SYT1: variants seen among roughly 807,000 people sequenced by gnomAD.
SYT1 encodes the protein synaptotagmin-1.
A neutral mutation model predicts 44.8 loss-of-function variants in SYT1; 8 were observed. The ratio of observed to expected loss-of-function variants is 0.18; its 90% CI spans 0.10 to 0.32. The LOEUF (loss-of-function observed/expected upper bound fraction) is 0.32. Ranked by LOEUF, SYT1 falls within the 10% of genes least tolerant of loss-of-function variation. SYT1 has a pLI of 1.00. For missense variants in SYT1, 286 were observed against 509.3 expected (o/e 0.56, Z 4.22); for synonymous variants, 154 against 188.8 (o/e 0.82, Z 1.51).
Position 79,339,765 on chromosome 12 carries a change from A to G in SYT1, c.811-13737A>G, listed in dbSNP as rs369383133. 4.6e-5 allele frequency among the ~76,000 whole-genome samples: 7 copies of G among 152,244 alleles called. 1 individual carries two copies. The highest frequency in any genetic ancestry group is 3.3e-4 in the Admixed American group (5 of 15,282). On this transcript the variant is annotated intron_variant, in intron 8 of 10. Transcript: ENST00000261205. Reference sequence around the variant, plus strand: ...TGCCCATGCCTACGTCCTGAATGGTATTGCCTAGGTTTTCTTCTAGGGATT... The same window carrying G: ...TGCCCATGCCTACGTCCTGAATGGTGTTGCCTAGGTTTTCTTCTAGGGATT...
rs1874146966 is a variant in SYT1, at chr12:78,876,841, A to AC, written c.-217+11732_-217+11733insC. On this transcript the variant is annotated intron_variant, in intron 1 of 10. Coordinates refer to ENST00000261205, the MANE Select transcript of SYT1 (RefSeq NM_005639.3). The stretch of plus-strand genomic sequence containing the variant: ...ATCATATATTATATGTATTATATAT[A>AC]ATATATATTATATATAATATATATA... Among the ~76,000 whole-genome samples, 2 of 27,442 alleles carry AC rather than the reference A, an allele frequency of 7.3e-5. 1 individual carries two copies. Among genetic ancestry groups the AC allele is most frequent in the African/African-American group, 5.4e-4 (2 of 3,686 alleles). The allele number at this position is 27,442 out of a possible 152,430, so 18.0% of individuals were successfully genotyped here.
intron 2 of SYT1, among the ~76,000 whole-genome samples, chr12:78,988,583 T>C (rs1050984990): frequency 2.6e-5 from 4 of 151,894 alleles, no homozygotes; most frequent in Admixed American, 6.6e-5. Flanking sequence ...GAAAAGCATC[T>C]TGATAATGTT....
intron 3 of SYT1, among the ~76,000 whole-genome samples, chr12:79,184,252 C>T (rs1872690514): frequency 6.6e-6 from 1 of 151,618 alleles, no homozygotes; most frequent in Admixed American, 6.6e-5. Context: ...ATTTTAAATG[C>T]TGAAAAAAAC....
intron 1 of SYT1, among the ~76,000 whole-genome samples, chr12:78,907,933 G>T (rs1460524225): frequency 1.3e-5 from 2 of 151,936 alleles, no homozygotes; most frequent in Admixed American, 6.6e-5. Context: ...TACCTCTCAG[G>T]TATATAGAGA....
intron 8 of SYT1, among the ~76,000 whole-genome samples, chr12:79,313,834 A>G (rs1880933577): frequency 6.6e-6 from 1 of 152,054 alleles, no homozygotes; most frequent in Admixed American, 6.6e-5. Flanking sequence ...AATTAATGTA[A>G]AGCACTTAGA....
intron 3 of SYT1, among the ~76,000 whole-genome samples, chr12:79,079,783 C>T (rs1876901478): frequency 2.0e-5 from 3 of 151,964 alleles, no homozygotes; most frequent in Admixed American, 2.0e-4. Flanking sequence ...AAATAAAATA[C>T]ACTGAAGTGA....
chr12:78,979,809 T>C (rs1869112002), intron 2 of SYT1, among the ~76,000 whole-genome samples: 1 of 152,074 alleles, frequency 6.6e-6, no homozygotes, highest in African/African-American at 2.4e-5. Flanking sequence ...TGGTAAAAGG[T>C]ATTAAATTTA....
chr12:79,299,755 T>C (rs1349007843), intron 8 of SYT1, among the ~76,000 whole-genome samples: 1 of 149,946 alleles, frequency 6.7e-6, no homozygotes, highest in Non-Finnish European at 1.5e-5. Flanking sequence ...AAGAGAGACA[T>C]TTGTGTACTG....
At chr12:78,948,226 T>C (rs1322472050) in intron 1 of SYT1, among the ~76,000 whole-genome samples, 1 of 151,850 alleles carries the variant, frequency 6.6e-6, no homozygotes, top group Non-Finnish European at 1.5e-5. Context: ...GTATAATTAA[T>C]GACATATTTA....
At chr12:78,921,071 G>A (rs906049957) in intron 1 of SYT1, among the ~76,000 whole-genome samples, 3 of 151,746 alleles carry the variant, frequency 2.0e-5, no homozygotes, top group Non-Finnish European at 2.9e-5. Context: ...GGACCACCAT[G>A]ACCACCAAAT....
chr12:79,333,222 G>A (rs1204405388), intron 8 of SYT1, among the ~76,000 whole-genome samples: 1 of 152,160 alleles, frequency 6.6e-6, no homozygotes, highest in African/African-American at 2.4e-5. Context: ...AGATGAAGGT[G>A]CCAGCAAATT....
chr12:79,082,862 T>G (rs1364316756), intron 3 of SYT1, among the ~76,000 whole-genome samples: 1 of 152,156 alleles, frequency 6.6e-6, no homozygotes, highest in South Asian at 2.1e-4. Flanking sequence ...TAAACCTGCC[T>G]GTGAGAATGG....
At chr12:79,032,800 C>T (rs1001120028) in intron 2 of SYT1, among the ~76,000 whole-genome samples, 1 of 151,188 alleles carries the variant, frequency 6.6e-6, no homozygotes, top group African/African-American at 2.4e-5. Flanking sequence ...AAAAGTGTTA[C>T]AAACTTAAAC....
intron 4 of SYT1, among the ~76,000 whole-genome samples, chr12:79,272,541 A>G (rs1878486385): frequency 6.6e-6 from 1 of 152,246 alleles, no homozygotes; most frequent in Non-Finnish European, 1.5e-5. Flanking sequence ...AAGCACCGAC[A>G]GAGCCATGGA....
chr12:78,951,513 T>G (rs1401444579), intron 1 of SYT1, among the ~76,000 whole-genome samples: 1 of 152,120 alleles, frequency 6.6e-6, no homozygotes, highest in Admixed American at 6.6e-5. Context: ...TGAACACCAG[T>G]GTAATTTTGG....
intron 5 of SYT1, among the ~76,000 whole-genome samples, chr12:79,286,512 C>T (rs1432797782): frequency 1.3e-5 from 2 of 152,224 alleles, no homozygotes; most frequent in Non-Finnish European, 2.9e-5. Flanking sequence ...TTCTAAAGAA[C>T]ACGACAGGAT....
At chr12:79,032,969 G>A (rs998288023) in intron 2 of SYT1, among the ~76,000 whole-genome samples, 2 of 151,274 alleles carry the variant, frequency 1.3e-5, no homozygotes, top group Non-Finnish European at 3.0e-5. Context: ...CTCTTTAGTT[G>A]AGTTTTATAT....
chr12:78,901,931 C>G (rs1005234522), intron 1 of SYT1, among the ~76,000 whole-genome samples: 3 of 151,934 alleles, frequency 2.0e-5, no homozygotes, highest in South Asian at 2.1e-4. Flanking sequence ...CAAACCAACA[C>G]AAGAATAGAA....
chr12:78,931,917 A>G (rs185548826), intron 1 of SYT1, among the ~76,000 whole-genome samples: 253 of 152,316 alleles, frequency 1.7e-3, no homozygotes, highest in African/African-American at 5.9e-3. Context: ...TCTCCCATCT[A>G]TATATGAATA....
Sources: gnomAD v4.1 joint callset for allele counts (sites outside exome capture counted in the v4.1 genomes callset) on GRCh38, gnomAD v4.1.1 for gene constraint, MANE v1.5 for transcripts, NCBI Gene and HGNC (gene_info 2026-07-23, HGNC 2026-07-21) for gene names.